Variants in TYW1B observed in about 807,000 individuals in gnomAD.
TYW1B encodes the protein tRNA-yW synthesizing protein 1 homolog B.
In TYW1B, 73 loss-of-function variants were observed where a neutral mutation model predicts 86.9. That is an observed-to-expected ratio of 0.84 (90% CI 0.70 to 1.02). TYW1B has a LOEUF of 1.02. Ranked by LOEUF, TYW1B falls within the 50% of genes least tolerant of loss-of-function variation. The pLI, the probability that TYW1B is intolerant of heterozygous loss-of-function variation, is 0.00. For missense variants in TYW1B, 637 were observed against 827.4 expected (o/e 0.77, Z 2.82); for synonymous variants, 248 against 292.8 (o/e 0.85, Z 1.56).
At chr7:72,783,425 T>C (rs1171479975) in intron 6 of TYW1B, among the ~76,000 whole-genome samples, 4 of 150,732 alleles carry the variant, frequency 2.7e-5, no homozygotes, top group Non-Finnish European at 4.4e-5. Flanking sequence ...TGTTTAATTA[T>C]ACATGAAGTA....
intron 11 of TYW1B, among the ~76,000 whole-genome samples, chr7:72,690,817 G>A (rs1408438337): frequency 1.5e-4 from 22 of 151,154 alleles, no homozygotes; most frequent in African/African-American, 4.9e-4. Flanking sequence ...GTGTGATCTC[G>A]GCTCGCTACA....
intron 9 of TYW1B, among the ~76,000 whole-genome samples, chr7:72,724,761 T>C (rs2129570946): frequency 6.6e-6 from 1 of 152,316 alleles, no homozygotes; most frequent in East Asian, 1.9e-4. Flanking sequence ...AAAAATCCAT[T>C]GTAGGAATTA....
intron 6 of TYW1B, among the ~76,000 whole-genome samples, chr7:72,781,535 T>C (rs1434174028): frequency 1.3e-5 from 2 of 152,172 alleles, no homozygotes; most frequent in African/African-American, 4.8e-5. Flanking sequence ...GTAAAGCCTT[T>C]CTTTTTTCAA....
chr7:72,815,112 A>C (rs1466888117), intron 3 of TYW1B, among the ~76,000 whole-genome samples: 3 of 151,610 alleles, frequency 2.0e-5, no homozygotes, highest in Admixed American at 1.3e-4. Context: ...GAAGGAGTGA[A>C]CTTCCAACCA....
In TYW1B at chr7:72,703,015, TATATATA is replaced by T. The variant is rs1302276903; in HGVS notation, c.1371-8200_1371-8194del. Among the ~76,000 whole-genome samples the T allele has an allele frequency of 6.0e-3, 285 of 47,852 alleles. 8 individuals carry two copies. Among genetic ancestry groups the T allele is most frequent in the Non-Finnish European group, 8.7e-3 (191 of 21,916 alleles). 31.4% of individuals were successfully genotyped at this position (47,852 alleles called of 152,430 possible). On this transcript the variant is annotated intron_variant, in intron 10 of 13. Coordinates refer to ENST00000620995, the MANE Select transcript of TYW1B (RefSeq NM_001145440.3). ...ATATATATATATATATATATATATA[TATATATA>T]TATATTTTTTTTTTTTTTTTGAGAT...
intron 7 of TYW1B, among the ~76,000 whole-genome samples, chr7:72,757,999 G>A (rs557379092): frequency 6.6e-6 from 1 of 152,172 alleles, no homozygotes; most frequent in Admixed American, 6.6e-5. Flanking sequence ...GGGCAGATCA[G>A]TTGAGGTCAG....
At chr7:72,626,468 A>T (rs1812352287) in intron 12 of TYW1B, among the ~76,000 whole-genome samples, 1 of 152,024 alleles carries the variant, frequency 6.6e-6, no homozygotes, top group Non-Finnish European at 1.5e-5. Context: ...AGCTTATAAA[A>T]CCTATGATCT....
chr7:72,794,295 C>T (rs1399438224), intron 6 of TYW1B, among the ~76,000 whole-genome samples: 1 of 152,146 alleles, frequency 6.6e-6, no homozygotes, highest in Admixed American at 6.6e-5. Flanking sequence ...GTGGCTCACG[C>T]CTGGAATCCC....
At chr7:72,685,010 G>A (rs1163703388) in intron 11 of TYW1B, among the ~76,000 whole-genome samples, 4 of 151,854 alleles carry the variant, frequency 2.6e-5, no homozygotes, top group African/African-American at 9.7e-5. Context: ...TACTTGGGAG[G>A]CTGAGATAGG....
intron 11 of TYW1B, among the ~76,000 whole-genome samples, chr7:72,637,275 T>G (rs1812693180): frequency 6.6e-6 from 1 of 151,810 alleles, no homozygotes; most frequent in East Asian, 1.9e-4. Flanking sequence ...GGGCCTGGAG[T>G]TTCCTTTGGA....
Position 72,616,734 on chromosome 7 carries a change from G to T in TYW1B, c.1723C>A (p.Pro575Thr). The change falls in exon 13 of 14, where the codon CCC becomes ACC. Residue 575 changes from proline to threonine, a missense_variant. Pro to Thr is a conservative substitution (Grantham distance 38). Coordinates refer to ENST00000620995, the MANE Select transcript of TYW1B (RefSeq NM_001145440.3). ...QFVRELVDLI[P>T]EYEIACEHEH... is the part of the protein sequence containing the mutation. The stretch of plus-strand genomic sequence containing the variant: ...TGTTCACATGCAATTTCATATTCGG[G>T]GATCAGATCCACCAGCTCGCGGACA... The T allele has an allele frequency of 6.2e-7, 1 of 1,614,190 alleles. No individual in the cohort carries two copies. The highest frequency in any genetic ancestry group is 8.5e-7 in the Non-Finnish European group (1 of 1,180,040).
chr7:72,782,225 G>A (rs1788061571), intron 6 of TYW1B, among the ~76,000 whole-genome samples: 1 of 151,964 alleles, frequency 6.6e-6, no homozygotes, highest in Non-Finnish European at 1.5e-5. Context: ...GGAGTTCAAG[G>A]CTGTGGTGAG....
At chr7:72,587,808 A>G (rs1585828064) in intron 13 of TYW1B, among the ~76,000 whole-genome samples, 1 of 152,302 alleles carries the variant, frequency 6.6e-6, no homozygotes, top group East Asian at 1.9e-4. Flanking sequence ...TTTAAATTAT[A>G]AACTATAAAC....
intron 10 of TYW1B, among the ~76,000 whole-genome samples, chr7:72,697,630 A>G (rs1167223691): frequency 3.3e-5 from 5 of 152,122 alleles, no homozygotes; most frequent in African/African-American, 1.2e-4. Flanking sequence ...AAAAGCAAAA[A>G]AGTCTTACAT....
At chr7:72,766,250 G>A (rs1554468317) in intron 7 of TYW1B, among the ~76,000 whole-genome samples, 1 of 152,188 alleles carries the variant, frequency 6.6e-6, no homozygotes, top group Non-Finnish European at 1.5e-5. Context: ...TTTAAGCCTA[G>A]ATTCACGACT....
At chr7:72,818,512 G>A (rs868908255) in intron 2 of TYW1B, among the ~76,000 whole-genome samples, 3 of 143,148 alleles carry the variant, frequency 2.1e-5, no homozygotes, top group African/African-American at 7.8e-5. Context: ...CTGGGAGGCA[G>A]AGGCTGCAGT....
At chr7:72,776,588 G>C (rs1554470610) in intron 7 of TYW1B, among the ~76,000 whole-genome samples, 1 of 137,184 alleles carries the variant, frequency 7.3e-6, no homozygotes, top group African/African-American at 2.7e-5. Flanking sequence ...AAGAGGTATA[G>C]TGTAAAACCT....
At chr7:72,620,597 G>C (rs1306292272) in intron 12 of TYW1B, among the ~76,000 whole-genome samples, 1 of 152,046 alleles carries the variant, frequency 6.6e-6, no homozygotes, top group Non-Finnish European at 1.5e-5. Context: ...GGCTCTGTCT[G>C]GTTTTCTCTC....
intron 13 of TYW1B, among the ~76,000 whole-genome samples, chr7:72,608,236 G>GA (rs1563028268): frequency 6.6e-6 from 1 of 152,190 alleles, no homozygotes; most frequent in Non-Finnish European, 1.5e-5. Context: ...CCATCTGGAA[G>GA]AAAGAAAGAA....
Sources: allele counts gnomAD v4.1 joint callset (sites outside exome capture counted in the v4.1 genomes callset), GRCh38; gene constraint gnomAD v4.1.1; transcripts MANE v1.5; gene names NCBI Gene and HGNC (gene_info 2026-07-23, HGNC 2026-07-21).